KAT14: variants seen among roughly 807,000 people sequenced by gnomAD.
The protein encoded by KAT14 is lysine acetyltransferase 14, also known as cysteine-rich protein 2-binding protein.
KAT14 carries 66 observed loss-of-function variants against 78.4 expected under a neutral mutation model. The ratio of observed to expected loss-of-function variants is 0.84; its 90% confidence interval spans 0.69 to 1.03. KAT14 has a LOEUF of 1.03. Ranked by LOEUF, KAT14 falls within the 50% of genes least tolerant of loss-of-function variation. The pLI, the probability that KAT14 is intolerant of heterozygous loss-of-function variation, is 0.00. For synonymous variants in KAT14, 344 were observed against 359.4 expected, an observed-to-expected ratio of 0.96 and a Z score of 0.48; for missense variants, 870 against 972.5, an observed-to-expected ratio of 0.89 and a Z score of 1.40.
At chr20:18,151,343 C>T (rs934787070) in intron 4 of KAT14, among the ~76,000 whole-genome samples, 2 of 152,022 alleles carry the variant, frequency 1.3e-5, no homozygotes, top group African/African-American at 2.4e-5. Context: ...ATTACAGGCA[C>T]CTGCCACTAT....
At position 18,162,210 on chromosome 20, in the gene KAT14, A is replaced by G. The variant is rs1464024430; in HGVS notation, c.1070A>G (p.Asp357Gly). Residue 357 changes from aspartate (D) to glycine (G), a missense_variant, in exon 6 of 11, where the codon GAT becomes GGT. Coordinates refer to ENST00000688188, the MANE Select transcript of KAT14 (RefSeq NM_001392073.1). Reference protein sequence around the residue: ...SLLSEADLIPDVMPPQALFHD... With the variant: ...SLLSEADLIPGVMPPQALFHD... ...CTTTCAGAAGCAGATCTGATTCCAG[A>G]TGTGATGCCCCCACAAGCCTTGTTT... The G allele has an allele frequency of 6.2e-6, 10 of 1,614,052 alleles. No individual in the cohort carries two copies. Among genetic ancestry groups the G allele is most frequent in the Non-Finnish European group, 7.6e-6 (9 of 1,180,036 alleles).
chr20:18,163,758 T>C (rs889117756), intron 7 of KAT14, among the ~76,000 whole-genome samples: 1 of 152,178 alleles, frequency 6.6e-6, no homozygotes, highest in African/African-American at 2.4e-5. Context: ...CTTATGTCTT[T>C]CCTTGTGCTG....
chr20:18,159,329 G>A (rs1358851863), intron 5 of KAT14, 64 bp downstream of exon 5: 2 of 1,556,064 alleles, frequency 1.3e-6, no homozygotes, highest in East Asian at 4.7e-5. Flanking sequence ...TGTGAGCCCA[G>A]GAGACGCTCC....
intron 4 of KAT14, among the ~76,000 whole-genome samples, chr20:18,152,407 T>A (rs1266356960): frequency 6.6e-6 from 1 of 152,086 alleles, no homozygotes; most frequent in Non-Finnish European, 1.5e-5. Context: ...TGAAACCCCA[T>A]CTCTACTAAA....
rs140214470 is a variant in KAT14, at chr20:18,187,315, C to T, written c.2202C>T (p.His734=). 7 of 1,613,028 alleles carry T rather than the reference C, an allele frequency of 4.3e-6. No individual in the cohort carries two copies. Among genetic ancestry groups the T allele is most frequent in the East Asian group, 2.2e-5 (1 of 44,840 alleles). ...GCATGGGCAAGGACGTAACCCTTCACGTCTCAGCAAGCAACCCCGCTATGC... is the reference window on the plus strand; with the variant it reads ...GCATGGGCAAGGACGTAACCCTTCATGTCTCAGCAAGCAACCCCGCTATGC... ...QTCMGKDVTL[H]VSASNPAMLL... The change falls in exon 11 of 11, where the codon CAC becomes CAT. Residue 734 remains histidine, a synonymous_variant. Coordinates refer to ENST00000688188, the MANE Select transcript of KAT14 (RefSeq NM_001392073.1).
At chr20:18,143,471 CTT>C (rs530608535) in intron 2 of KAT14, among the ~76,000 whole-genome samples, 1 of 143,748 alleles carries the variant, frequency 7.0e-6, no homozygotes, top group Non-Finnish European at 1.5e-5. Flanking sequence ...TCTTTTCTTT[CTT>C]TTTTTTTTTT....
chr20:18,141,805 A>G (rs1208345331), intron 1 of KAT14, among the ~76,000 whole-genome samples: 1 of 152,040 alleles, frequency 6.6e-6, no homozygotes, highest in African/African-American at 2.4e-5. Context: ...AATCACTTGA[A>G]CCCAGGAGGT....
intron 10 of KAT14, 72 bp downstream of exon 10, chr20:18,184,864 C>G: frequency 6.8e-7 from 1 of 1,474,554 alleles, no homozygotes; most frequent in East Asian, 2.4e-5. Context: ...AGGAATGAAG[C>G]TGAGCTAGCC....
intron 7 of KAT14, among the ~76,000 whole-genome samples, chr20:18,174,241 A>G (rs117448074): frequency 1.6e-3 from 239 of 152,280 alleles, no homozygotes; most frequent in Non-Finnish European, 2.5e-3. Context: ...GGTTGTTTCT[A>G]CCTTTTGACT....
intron 1 of KAT14, among the ~76,000 whole-genome samples, chr20:18,140,195 C>T (rs1035152102): frequency 2.6e-5 from 4 of 151,526 alleles, no homozygotes; most frequent in South Asian, 2.1e-4. Flanking sequence ...GGGTGGGTAT[C>T]GGTGTGTCAT....
chr20:18,183,001 A>G, intron 8 of KAT14, 122 bp from the exon 9 acceptor site: 4 of 1,358,506 alleles, frequency 2.9e-6, no homozygotes, highest in South Asian at 1.5e-5. Flanking sequence ...AGCTTCGTGT[A>G]AAACAGTGCA....
chr20:18,167,886 C>CA lies in KAT14; in HGVS notation c.1668+4941_1668+4942insA, dbSNP rs2038700721. ...CTTTTTTTAATATCATGTGGTTGTC[C>CA]CCCCAAACAAAAAAGTACATTTTCA... On this transcript the variant is annotated intron_variant, in intron 7 of 10. Coordinates refer to ENST00000688188, the MANE Select transcript of KAT14 (RefSeq NM_001392073.1). Among the ~76,000 whole-genome samples, 4 of 150,702 alleles carry CA rather than the reference C, an allele frequency of 2.7e-5. No individual in the cohort carries two copies. In the South Asian group the frequency reaches 8.4e-4, roughly 32 times the overall value.
At chr20:18,148,985 G>A (rs900501874) in intron 3 of KAT14, among the ~76,000 whole-genome samples, 2 of 152,182 alleles carry the variant, frequency 1.3e-5, no homozygotes, top group East Asian at 3.9e-4. Flanking sequence ...TTTATAGTTT[G>A]CCTAGTAAAG....
At chr20:18,168,929 A>G (rs1192338361) in intron 7 of KAT14, among the ~76,000 whole-genome samples, 1 of 150,462 alleles carries the variant, frequency 6.6e-6, no homozygotes, top group Non-Finnish European at 1.5e-5. Flanking sequence ...TGGTATTCCC[A>G]TTGTGTGTTT....
chr20:18,181,227 T>C (rs1287891803), intron 7 of KAT14, among the ~76,000 whole-genome samples: 2 of 152,196 alleles, frequency 1.3e-5, no homozygotes. Flanking sequence ...TCTAGTTTTA[T>C]GCAAAGGTGT....
chr20:18,150,902 G>A lies in KAT14; in HGVS notation c.460G>A (p.Ala154Thr). The stretch of plus-strand genomic sequence containing the variant: ...TTTCAGGTGGAAAGAAGATATCTGT[G>A]CTTTTATTGAGAAACATTGGACTTT... ...GYFRWKEDIC[A>T]FIEKHWTFLL... The change falls in exon 4 of 11, where the codon GCT becomes ACT. Residue 154 changes from alanine to threonine, a missense_variant. Physicochemically the swap from Ala to Thr is moderately conservative, Grantham distance 58 (BLOSUM62 0). Transcript: ENST00000688188. 1 of 1,614,136 alleles carries A rather than the reference G, an allele frequency of 6.2e-7. No individual in the cohort carries two copies. Among genetic ancestry groups the A allele is most frequent in the Non-Finnish European group, 8.5e-7 (1 of 1,180,024 alleles).
At chr20:18,174,473 A>G (rs1028362850) in intron 7 of KAT14, among the ~76,000 whole-genome samples, 2 of 152,114 alleles carry the variant, frequency 1.3e-5, no homozygotes, top group African/African-American at 4.8e-5. Context: ...CATCCTTGCC[A>G]TATTGTTGTT....
chr20:18,146,433 G>T (rs531392602), intron 3 of KAT14, among the ~76,000 whole-genome samples: 5 of 152,284 alleles, frequency 3.3e-5, no homozygotes, highest in African/African-American at 1.2e-4. Context: ...GCTGAGGGAG[G>T]CAGATCACCT....
chr20:18,178,596 G>C lies in KAT14; in HGVS notation c.1669-3114G>C, dbSNP rs567689419. 2.6e-5 allele frequency among the ~76,000 whole-genome samples: 4 copies of C among 152,236 alleles called. No homozygotes were observed. The East Asian group carries it at 7.7e-4, about 29-fold the overall frequency. ...ACCCCTGATAAAACCATCAGATCTCGTGAGACTTATTCACTACCATGAGAA... is the reference window on the plus strand; with the variant it reads ...ACCCCTGATAAAACCATCAGATCTCCTGAGACTTATTCACTACCATGAGAA... On this transcript the variant is annotated intron_variant, in intron 7 of 10. Transcript: ENST00000688188.
Sources: allele counts gnomAD v4.1 joint callset (sites outside exome capture counted in the v4.1 genomes callset), GRCh38; gene constraint gnomAD v4.1.1; transcripts MANE v1.5; gene names NCBI Gene and HGNC (gene_info 2026-07-23, HGNC 2026-07-21).